Variants in ZNF385D observed in about 807,000 individuals in gnomAD.
The protein encoded by ZNF385D is zinc finger protein 659.
In ZNF385D, 15 loss-of-function variants were observed where a neutral mutation model predicts 35.8. The observed-to-expected ratio is 0.42, with a 90% CI of 0.28 to 0.64. ZNF385D has a LOEUF of 0.64. Among genes scored for constraint, ZNF385D ranks in the 30% least tolerant of loss-of-function variants. The pLI is 0.23. For missense variants in ZNF385D, 474 were observed against 494.6 expected, an observed-to-expected ratio of 0.96 and a Z score of 0.39; for synonymous variants, 212 against 186.8, an observed-to-expected ratio of 1.13 and a Z score of -1.10.
At chr3:22,208,556 T>C (rs1326295572) in intron 2 of ZNF385D, among the ~76,000 whole-genome samples, 1 of 151,596 alleles carries the variant, frequency 6.6e-6, no homozygotes, top group Non-Finnish European at 1.5e-5. Flanking sequence ...TGTAAATAAA[T>C]AAAAGTATAT....
intron 1 of ZNF385D, among the ~76,000 whole-genome samples, chr3:21,720,856 T>C (rs1351151072): frequency 6.6e-6 from 1 of 152,094 alleles, no homozygotes; most frequent in African/African-American, 2.4e-5. Context: ...AAAAAGGAGG[T>C]TCTCAGAATG....
At chr3:21,960,748 T>G (rs564749596) in intron 3 of ZNF385D, among the ~76,000 whole-genome samples, 1 of 152,204 alleles carries the variant, frequency 6.6e-6, no homozygotes, top group East Asian at 1.9e-4. Flanking sequence ...AATGGAATAC[T>G]ATCCAGCCAT....
At chr3:21,586,847 G>GAATT (rs1412081895) in intron 2 of ZNF385D, among the ~76,000 whole-genome samples, 29 of 152,182 alleles carry the variant, frequency 1.9e-4, no homozygotes, top group Admixed American at 4.6e-4. Context: ...ATTTTAATTA[G>GAATT]AATTAGCAAG....
intron 3 of ZNF385D, among the ~76,000 whole-genome samples, chr3:21,865,235 A>G (rs992037244): frequency 8.6e-5 from 13 of 151,734 alleles, no homozygotes; most frequent in African/African-American, 3.1e-4. Flanking sequence ...AAGAAATATA[A>G]TGAATCTGCT....
intron 2 of ZNF385D, among the ~76,000 whole-genome samples, chr3:22,342,971 T>G (rs979291700): frequency 8.5e-5 from 13 of 152,194 alleles, no homozygotes; most frequent in African/African-American, 3.1e-4. Flanking sequence ...CCAGTCCAAA[T>G]TGAGATGTGC....
intron 2 of ZNF385D, among the ~76,000 whole-genome samples, chr3:22,308,720 T>C (rs1247973363): frequency 6.6e-6 from 1 of 152,014 alleles, no homozygotes; most frequent in Non-Finnish European, 1.5e-5. Flanking sequence ...TCTGAGAAAA[T>C]AAAGTAGTGG....
chr3:22,301,641 G>A lies in ZNF385D; in HGVS notation c.106+70809C>T, dbSNP rs7627481. ...AAAAACGGTAAAGAAAAAAGTCTAG[G>A]TACTTACCAACAGGCTTAAGTGGTA... On this transcript the variant is annotated intron_variant, in intron 2 of 5. Transcript: ENST00000494108. Among the ~76,000 whole-genome samples the A allele has an allele frequency of 2.0e-5, 3 of 151,942 alleles. No individual in the cohort carries two copies. The South Asian group carries it at 6.2e-4, about 31-fold the overall frequency.
At chr3:21,792,038 C>T (rs2071952038) in intron 3 of ZNF385D, among the ~76,000 whole-genome samples, 1 of 152,106 alleles carries the variant, frequency 6.6e-6, no homozygotes, top group African/African-American at 2.4e-5. Flanking sequence ...CGGCCCTAAT[C>T]ATTTTTATAT....
intron 2 of ZNF385D, among the ~76,000 whole-genome samples, chr3:21,634,475 CA>C (rs2065372465): frequency 6.6e-6 from 1 of 152,024 alleles, no homozygotes; most frequent in Admixed American, 6.6e-5. Context: ...AGAAATCTAT[CA>C]TGCTCAAACT....
At chr3:22,078,886 C>T (rs953000446) in intron 3 of ZNF385D, among the ~76,000 whole-genome samples, 1 of 151,840 alleles carries the variant, frequency 6.6e-6, no homozygotes, top group African/African-American at 2.4e-5. Context: ...ATTTTAAATA[C>T]AATAATGTTA....
chr3:21,818,522 TA>T (rs1394392412), intron 3 of ZNF385D, among the ~76,000 whole-genome samples: 1 of 152,140 alleles, frequency 6.6e-6, no homozygotes, highest in African/African-American at 2.4e-5. Context: ...AATTTTTAAA[TA>T]AAAAGCCTAT....
intron 3 of ZNF385D, among the ~76,000 whole-genome samples, chr3:21,875,455 T>A (rs1474426567): frequency 6.6e-6 from 1 of 152,098 alleles, no homozygotes; most frequent in Non-Finnish European, 1.5e-5. Flanking sequence ...TCTACATTGC[T>A]GCTTCAGTTT....
At chr3:22,095,183 T>G (rs560071956) in intron 3 of ZNF385D, among the ~76,000 whole-genome samples, 152 of 150,996 alleles carry the variant, frequency 1.0e-3, no homozygotes, top group African/African-American at 3.4e-3. Flanking sequence ...AGTCTTGGTC[T>G]CCCAAAGCAC....
At chr3:21,798,116 T>G (rs964415937) in intron 3 of ZNF385D, among the ~76,000 whole-genome samples, 1 of 152,208 alleles carries the variant, frequency 6.6e-6, no homozygotes, top group Non-Finnish European at 1.5e-5. Flanking sequence ...GGGAAGACTA[T>G]GCGTTAGTTG....
rs139155732 is a variant in ZNF385D at position 21,712,581 on chromosome 3, C to T, written c.22+38314G>A. Among the ~76,000 whole-genome samples, 606 of 151,976 alleles carry T rather than the reference C, an allele frequency of 4.0e-3. 19 individuals are homozygous for T. The highest frequency in any genetic ancestry group is 3.2e-4 in the Non-Finnish European group (22 of 67,964). On this transcript the variant is annotated intron_variant, in intron 1 of 7. Transcript: ENST00000281523. ...AAAAAAAGTCTGTCACTTGTAACAC[C>T]GCTGTAAAATGACTTGAGAAATTTC...
chr3:21,916,424 T>C (rs1200408614), intron 3 of ZNF385D, among the ~76,000 whole-genome samples: 1 of 152,176 alleles, frequency 6.6e-6, no homozygotes, highest in Non-Finnish European at 1.5e-5. Flanking sequence ...ATTTTAACTT[T>C]TACACTTATG....
intron 2 of ZNF385D, among the ~76,000 whole-genome samples, chr3:22,176,916 G>C (rs11917360): frequency 0.028 from 4,197 of 152,248 alleles, 191 homozygotes; most frequent in African/African-American, 0.095. Context: ...GATCAGATAT[G>C]TCTTAAATTT....
intron 3 of ZNF385D, among the ~76,000 whole-genome samples, chr3:22,075,143 C>A (rs986299499): frequency 1.3e-5 from 2 of 151,908 alleles, no homozygotes; most frequent in Non-Finnish European, 2.9e-5. Context: ...CTTTCTAAAT[C>A]TTTCCAAAAG....
chr3:22,357,533 A>G (rs1220942817), intron 2 of ZNF385D, among the ~76,000 whole-genome samples: 1 of 151,882 alleles, frequency 6.6e-6, no homozygotes, highest in Admixed American at 6.6e-5. Flanking sequence ...TTACATTTCT[A>G]CTGTAGCATT....
Sources: allele counts gnomAD v4.1 joint callset (sites outside exome capture counted in the v4.1 genomes callset), GRCh38; gene constraint gnomAD v4.1.1; transcripts MANE v1.5; gene names NCBI Gene and HGNC (gene_info 2026-07-23, HGNC 2026-07-21).